The following MSRA variants were observed in gnomAD, a reference collection of about 807,000 sequenced individuals.
The protein encoded by MSRA is methionine sulfoxide reductase A, also known as mitochondrial peptide methionine sulfoxide reductase.
MSRA carries 54 observed loss-of-function variants against 31.3 expected under a neutral mutation model. That is an observed-to-expected ratio of 1.73 (90% CI 1.39 to 2.17). The LOEUF is 2.17. MSRA is among the 30% of genes most tolerant of loss of function. The pLI is 0.00. For missense variants in MSRA, 507 were observed against 300.9 expected (o/e 1.69, Z -5.07); for synonymous variants, 169 against 116.5 (o/e 1.45, Z -2.90).
chr8:10,372,152 C>G (rs1805514501), intron 5 of MSRA, among the ~76,000 whole-genome samples: 1 of 152,152 alleles, frequency 6.6e-6, no homozygotes. Flanking sequence ...GCTCTTCTCA[C>G]CAGGCAGGGC....
intron 2 of MSRA, among the ~76,000 whole-genome samples, chr8:10,209,383 G>A (rs1454600099): frequency 1.3e-5 from 2 of 152,158 alleles, no homozygotes; most frequent in African/African-American, 4.8e-5. Flanking sequence ...CCTATTATTA[G>A]TGGGTTTCCC....
chr8:10,169,128 A>C (rs1028950297), intron 1 of MSRA, among the ~76,000 whole-genome samples: 5 of 152,162 alleles, frequency 3.3e-5, no homozygotes, highest in African/African-American at 1.2e-4. Flanking sequence ...ACCTTCTAGG[A>C]CATCAGTGTG....
intron 5 of MSRA, among the ~76,000 whole-genome samples, chr8:10,334,982 C>A (rs1464942322): frequency 6.6e-6 from 1 of 151,666 alleles, no homozygotes; most frequent in Non-Finnish European, 1.5e-5. Flanking sequence ...TGGCTGCAAG[C>A]GAGGAGGAAT....
chr8:10,080,099 A>G (rs1563409118), intron 1 of MSRA, among the ~76,000 whole-genome samples: 2 of 152,068 alleles, frequency 1.3e-5, no homozygotes, highest in African/African-American at 4.8e-5. Flanking sequence ...TTTCTCCCCC[A>G]TCTTTTTCTC....
intron 1 of MSRA, among the ~76,000 whole-genome samples, chr8:10,062,522 G>A (rs1461618553): frequency 1.3e-5 from 2 of 152,160 alleles, no homozygotes; most frequent in Non-Finnish European, 2.9e-5. Flanking sequence ...AATACTTGTT[G>A]AAAGACTGTA....
chr8:10,253,979 G>C (rs1259296364), intron 3 of MSRA, among the ~76,000 whole-genome samples: 2 of 152,184 alleles, frequency 1.3e-5, no homozygotes, highest in Non-Finnish European at 2.9e-5. Context: ...ACCCAGACGT[G>C]AGCGGAGCGG....
rs181638871 is a variant in MSRA, at chr8:10,098,545, G to A, written c.142+43887G>A. Among the ~76,000 whole-genome samples the A allele has an allele frequency of 2.0e-5, 3 of 152,196 alleles. No homozygotes were observed. The East Asian group carries it at 5.8e-4, about 29-fold the overall frequency. ...TTTTGGGTAACGGGGATGGAAGAGG[G>A]AATAGATTTAAAATAAAATTTAAAC... On this transcript the variant is annotated intron_variant, in intron 1 of 5. Transcript: ENST00000317173.
chr8:10,119,331 A>G (rs960467739), intron 1 of MSRA, among the ~76,000 whole-genome samples: 3 of 152,226 alleles, frequency 2.0e-5, no homozygotes, highest in Non-Finnish European at 4.4e-5. Context: ...TGATGGCAGA[A>G]CGCTGTAGGA....
At chr8:10,405,233 C>T (rs539493088) in intron 5 of MSRA, among the ~76,000 whole-genome samples, 1 of 152,274 alleles carries the variant, frequency 6.6e-6, no homozygotes, top group East Asian at 1.9e-4. Flanking sequence ...TCTGTCAACC[C>T]TGTGCCTAGG....
intron 2 of MSRA, among the ~76,000 whole-genome samples, chr8:10,234,256 T>A (rs1426802276): frequency 2.6e-5 from 4 of 152,056 alleles, no homozygotes; most frequent in South Asian, 2.1e-4. Context: ...GAAGCAATTT[T>A]AAAAAAATAA....
chr8:10,139,692 C>G (rs1228909761), intron 1 of MSRA, among the ~76,000 whole-genome samples: 1 of 152,188 alleles, frequency 6.6e-6, no homozygotes, highest in African/African-American at 2.4e-5. Flanking sequence ...TGATTTCATT[C>G]TTTTTCTTGG....
chr8:10,285,124 C>T (rs142439102), intron 3 of MSRA, among the ~76,000 whole-genome samples: 6 of 151,976 alleles, frequency 3.9e-5, no homozygotes, highest in East Asian at 3.9e-4. Flanking sequence ...TTCCCTTCGT[C>T]GTGCAGTCAT....
intron 1 of MSRA, among the ~76,000 whole-genome samples, chr8:10,154,669 G>A (rs1008640560): frequency 3.3e-5 from 5 of 152,010 alleles, no homozygotes; most frequent in South Asian, 2.1e-4. Context: ...GAGCCACCGC[G>A]TCCAGCCAGG....
chr8:10,082,880 A>G (rs1032597648), intron 1 of MSRA, among the ~76,000 whole-genome samples: 3 of 152,228 alleles, frequency 2.0e-5, no homozygotes, highest in East Asian at 1.9e-4. Flanking sequence ...AATTCAATCA[A>G]TATTTACCGA....
At chr8:10,200,184 G>C (rs1281190130) in intron 1 of MSRA, among the ~76,000 whole-genome samples, 1 of 152,222 alleles carries the variant, frequency 6.6e-6, no homozygotes, top group Non-Finnish European at 1.5e-5. Context: ...AAAGGGAGCG[G>C]GCCAGATGGT....
intron 1 of MSRA, among the ~76,000 whole-genome samples, chr8:10,160,520 CT>C (rs966305239): frequency 4.7e-4 from 71 of 151,982 alleles, no homozygotes; most frequent in African/African-American, 1.6e-3. Flanking sequence ...CTATATAGAT[CT>C]CTATAGATAG....
At chr8:10,405,430 T>C (rs1378810876) in intron 5 of MSRA, among the ~76,000 whole-genome samples, 7 of 152,194 alleles carry the variant, frequency 4.6e-5, no homozygotes, top group East Asian at 1.9e-4. Flanking sequence ...TGTTCCATCA[T>C]GGCAGAAGGA....
At position 10,188,818 on chromosome 8, in the gene MSRA, C is replaced by T. The variant is rs572007584; in HGVS notation, c.143-19015C>T. ...CCTGAAATCAGGTAGTGGAAGTATT[C>T]CAACTGATAGTTCCAAATTGTTTTT... is the stretch of plus-strand genomic sequence containing the variant. On this transcript the variant is annotated intron_variant, in intron 1 of 5. Coordinates refer to ENST00000317173, the MANE Select transcript of MSRA (RefSeq NM_012331.5). 2.6e-5 allele frequency among the ~76,000 whole-genome samples: 4 copies of T among 152,300 alleles called. No individual in the cohort carries two copies. The South Asian group carries it at 8.3e-4, about 32-fold the overall frequency.
At chr8:10,141,337 T>G (rs959678739) in intron 1 of MSRA, among the ~76,000 whole-genome samples, 10 of 152,292 alleles carry the variant, frequency 6.6e-5, no homozygotes, top group African/African-American at 1.4e-4. Context: ...TAGAAAAGTT[T>G]CCATGACTTG....
Sources: gnomAD v4.1 joint callset for allele counts (sites outside exome capture counted in the v4.1 genomes callset) on GRCh38, gnomAD v4.1.1 for gene constraint, MANE v1.5 for transcripts, NCBI Gene and HGNC (gene_info 2026-07-23, HGNC 2026-07-21) for gene names.